SLC25A36: variants seen among roughly 807,000 people sequenced by gnomAD.
SLC25A36 encodes solute carrier family 25 member 36, also known as epididymis secretory sperm binding protein.
In SLC25A36, 24 loss-of-function variants were observed where a neutral mutation model predicts 35.3. That is an observed-to-expected ratio of 0.68 (90% CI 0.49 to 0.96). The LOEUF (loss-of-function observed/expected upper bound fraction) is 0.96. Among genes scored for constraint, SLC25A36 ranks in the 40% least tolerant of loss-of-function variants. SLC25A36 has a pLI of 0.00. For synonymous variants in SLC25A36, 141 were observed against 132.2 expected (o/e 1.07, Z -0.46); for missense variants, 294 against 381.1 (o/e 0.77, Z 1.90).
At chr3:140,947,998 G>T (rs1934212510) in intron 1 of SLC25A36, among the ~76,000 whole-genome samples, 1 of 152,156 alleles carries the variant, frequency 6.6e-6, no homozygotes, top group African/African-American at 2.4e-5. Flanking sequence ...TTGTTGCCCA[G>T]GCTGGAGTGC....
intron 1 of SLC25A36, among the ~76,000 whole-genome samples, chr3:140,954,708 T>C (rs1281228215): frequency 6.6e-6 from 1 of 152,258 alleles, no homozygotes; most frequent in East Asian, 1.9e-4. Context: ...TACTTGATTT[T>C]ATTCCTGACT....
intron 1 of SLC25A36, among the ~76,000 whole-genome samples, chr3:140,943,963 C>G (rs185448501): frequency 1.4e-3 from 198 of 142,732 alleles, no homozygotes; most frequent in African/African-American, 5.3e-3. Context: ...CCCCTCCCCC[C>G]CAGTCTAGCA....
At chr3:140,964,921 T>A (rs1477407349) in intron 4 of SLC25A36, 1 of 151,926 alleles carries the variant, frequency 6.6e-6, no homozygotes, top group Non-Finnish European at 1.5e-5. Flanking sequence ...CAGTTTGCAC[T>A]TTTTTCTCAA....
chr3:140,947,954 A>AAGT (rs1448871694), intron 1 of SLC25A36, among the ~76,000 whole-genome samples: 2 of 151,232 alleles, frequency 1.3e-5, no homozygotes, highest in Non-Finnish European at 2.9e-5. Flanking sequence ...TGGTTTTTTT[A>AAGT]ATTATTATTA....
rs1186570518 is a variant in SLC25A36, at chr3:140,978,976, G to C, written c.*2523G>C. ...TGTTTATCATGACTTTTTTATTTCT[G>C]GTGTAGAGTCCACATTATTTAGTTT... is the stretch of plus-strand genomic sequence containing the variant. On this transcript the variant is annotated 3_prime_UTR_variant, in exon 7 of 7. Coordinates refer to ENST00000324194, the MANE Select transcript of SLC25A36 (RefSeq NM_001104647.3). The C allele has an allele frequency of 2.0e-5, 3 of 151,976 alleles. No homozygotes were observed. The highest frequency in any genetic ancestry group is 4.4e-5 in the Non-Finnish European group (3 of 67,964). The allele number at this position is 151,976 out of a possible 1,614,324, so 9.4% of individuals were successfully genotyped here.
At chr3:140,942,286 C>T (rs1401561391) in intron 1 of SLC25A36, among the ~76,000 whole-genome samples, 191 bp downstream of exon 1, 3 of 127,346 alleles carry the variant, frequency 2.4e-5, no homozygotes, top group Non-Finnish European at 3.3e-5. Context: ...GGCTCCGGTT[C>T]GGGGAAGCAA....
chr3:140,971,893 T>C (rs1046724820), intron 5 of SLC25A36, among the ~76,000 whole-genome samples: 1 of 152,246 alleles, frequency 6.6e-6, no homozygotes, highest in African/African-American at 2.4e-5. Context: ...TTATGTCCTA[T>C]AGGCTTTAGG....
intron 1 of SLC25A36, among the ~76,000 whole-genome samples, chr3:140,948,391 C>A (rs188739949): frequency 1.3e-5 from 2 of 151,100 alleles, no homozygotes; most frequent in Admixed American, 1.3e-4. Context: ...ACTGCGTTAG[C>A]CAGGTTGGTC....
chr3:140,951,113 C>G (rs536461733), intron 1 of SLC25A36, among the ~76,000 whole-genome samples: 93 of 152,284 alleles, frequency 6.1e-4, no homozygotes, highest in African/African-American at 2.2e-3. Context: ...TTTCCCTCTG[C>G]AAGCCTTTCT....
chr3:140,973,838 T>C lies in SLC25A36; in HGVS notation c.575T>C (p.Ile192Thr), dbSNP rs375575933. The C allele has an allele frequency of 6.2e-6, 10 of 1,613,446 alleles. No individual in the cohort carries two copies. The Admixed American group carries it at 6.7e-5, about 11-fold the overall frequency. ...TATGCTGGTATATCAGAGACTGTTA[T>C]CCATTTTGTTATTTATGAAAGTATA... ...ASYAGISETV[I>T]HFVIYESIKQ... The change falls in exon 6 of 7, where the codon ATC becomes ACC. Residue 192 changes from isoleucine (I) to threonine (T), a missense_variant. This residue lies in a region of SLC25A36 where 109 missense variants were observed against 179.7 expected (regional missense o/e 0.61). Transcript: ENST00000324194.
intron 1 of SLC25A36, among the ~76,000 whole-genome samples, chr3:140,947,396 G>A (rs1441899482): frequency 2.0e-5 from 3 of 151,798 alleles, no homozygotes; most frequent in African/African-American, 4.8e-5. Flanking sequence ...TCTCAGTCTC[G>A]TATCTTACTA....
intron 4 of SLC25A36, chr3:140,964,603 T>A (rs1290430197): frequency 3.3e-5 from 5 of 151,902 alleles, no homozygotes; most frequent in African/African-American, 1.2e-4. Flanking sequence ...TAAAGGTTGG[T>A]GGCCAGTGAC....
intron 1 of SLC25A36, among the ~76,000 whole-genome samples, chr3:140,953,170 C>CT (rs1934374570): frequency 6.6e-6 from 1 of 150,528 alleles, no homozygotes; most frequent in African/African-American, 2.5e-5. Context: ...GCTCTCAACT[C>CT]TTATCTAAGT....
At chr3:140,954,523 C>T (rs1473535170) in intron 1 of SLC25A36, among the ~76,000 whole-genome samples, 2 of 152,156 alleles carry the variant, frequency 1.3e-5, no homozygotes, top group Admixed American at 1.3e-4. Flanking sequence ...AAGAGATTTC[C>T]AGTTCAGCGG....
At chr3:140,967,028 T>C (rs1379467607) in intron 4 of SLC25A36, 1 of 456,226 alleles carries the variant, frequency 2.2e-6, no homozygotes, top group Non-Finnish European at 4.4e-6. Context: ...ATGGACTAAC[T>C]TAAACCTCGT....
Position 140,976,600 on chromosome 3 carries a change from G to T in SLC25A36, c.*147G>T. The T allele has an allele frequency of 2.4e-5, 12 of 492,380 alleles. No individual in the cohort carries two copies. The highest frequency in any genetic ancestry group is 3.0e-5 in the Non-Finnish European group (9 of 301,178). 30.5% of individuals were successfully genotyped at this position (492,380 alleles called of 1,614,324 possible). ...TGGAAGTTTTGTTGTAGGAATTATA[G>T]TAATCACACCACATTACTTGGCCTT... On this transcript the variant is annotated 3_prime_UTR_variant, in exon 7 of 7. Coordinates refer to ENST00000324194, the MANE Select transcript of SLC25A36 (RefSeq NM_001104647.3).
chr3:140,946,300 A>G (rs1307401221), intron 1 of SLC25A36, among the ~76,000 whole-genome samples: 6 of 152,236 alleles, frequency 3.9e-5, no homozygotes, highest in Non-Finnish European at 8.8e-5. Flanking sequence ...AGAATTAGCT[A>G]TACAAAAGGA....
At chr3:140,954,957 A>G (rs915800338) in intron 1 of SLC25A36, among the ~76,000 whole-genome samples, 19 of 151,814 alleles carry the variant, frequency 1.3e-4, no homozygotes, top group Non-Finnish European at 2.2e-4. Context: ...TTTTTCCTAG[A>G]TGTTTTATAG....
At chr3:140,959,390 C>A in intron 2 of SLC25A36, 73 bp from the exon 3 acceptor site, 1 of 838,366 alleles carries the variant, frequency 1.2e-6, no homozygotes, top group Non-Finnish European at 1.8e-6. Context: ...TAGACTCTAA[C>A]TTTATATACA....
Sources: allele counts gnomAD v4.1 joint callset (sites outside exome capture counted in the v4.1 genomes callset), GRCh38; gene constraint gnomAD v4.1.1; regional missense constraint gnomAD v4.1.1; transcripts MANE v1.5; gene names NCBI Gene and HGNC (gene_info 2026-07-23, HGNC 2026-07-21).